Variants in DNMBP observed in about 807,000 individuals in gnomAD.
The protein encoded by DNMBP is dynamin binding protein.
A neutral mutation model predicts 150.0 loss-of-function variants in DNMBP; 87 were observed. That is an observed-to-expected ratio of 0.58 (90% confidence interval 0.49 to 0.69). DNMBP has a LOEUF of 0.69. Among genes scored for constraint, DNMBP ranks in the 30% least tolerant of loss-of-function variants. The pLI is 0.00. For missense variants in DNMBP, 1,774 were observed against 1,949.0 expected (o/e 0.91, Z 1.69); for synonymous variants, 711 against 750.4 (o/e 0.95, Z 0.86).
At position 99,885,898 on chromosome 10, in the gene DNMBP, A is replaced by C. The variant is rs201322179; in HGVS notation, c.3619-32T>G. The C allele has an allele frequency of 9.8e-4, 1,531 of 1,555,552 alleles. 4 individuals carry two copies. The African/African-American group carries it at 0.012, about 12-fold the overall frequency. On this transcript the variant is annotated intron_variant, in intron 13 of 16. Coordinates refer to ENST00000324109, the MANE Select transcript of DNMBP (RefSeq NM_015221.4). ...TCCATGGGAAGAGCAGAGATAGAGA[A>C]AAGAAGAAAACACGATAAAAGATCC...
At chr10:99,904,343 TCGG>T (rs2039791111) in intron 6 of DNMBP, among the ~76,000 whole-genome samples, 1 of 152,076 alleles carries the variant, frequency 6.6e-6, no homozygotes, top group Admixed American at 6.6e-5. Context: ...AACATAGCTC[TCGG>T]CGGGATGTGT....
In DNMBP at chr10:99,887,188, T is replaced by C. The variant is rs565287998; in HGVS notation, c.3286-556A>G. ...ACTGCAGCCTCAGCCTCCCAAGAAG[T>C]TGGGATTACAGGAGTCAGCCACCGC... is the stretch of plus-strand genomic sequence containing the variant. On this transcript the variant is annotated intron_variant, in intron 12 of 16. Transcript: ENST00000324109. 2.9e-4 allele frequency among the ~76,000 whole-genome samples: 44 copies of C among 151,428 alleles called. No individual in the cohort carries two copies. In the East Asian group the frequency reaches 8.1e-3, roughly 28 times the overall value.
At chr10:99,964,763 C>T (rs1164439363) in intron 3 of DNMBP, among the ~76,000 whole-genome samples, 1 of 151,290 alleles carries the variant, frequency 6.6e-6, no homozygotes, top group East Asian at 1.9e-4. Context: ...CCCAGCTATT[C>T]GGGAGGCTAA....
Position 99,986,738 on chromosome 10 carries a change from C to T in DNMBP, c.-10-14604G>A, listed in dbSNP as rs1661200500. Among the ~76,000 whole-genome samples, 9 of 151,888 alleles carry T rather than the reference C, an allele frequency of 5.9e-5. No individual in the cohort carries two copies. In the South Asian group the frequency reaches 1.9e-3, roughly 32 times the overall value. On this transcript the variant is annotated intron_variant, in intron 1 of 16. Coordinates refer to ENST00000324109, the MANE Select transcript of DNMBP (RefSeq NM_015221.4). ...GACATCCATACAGTATATCAAGGCC[C>T]AGAGTATGAGCAACAAAGTGAGGCT...
rs777875614 is a variant in DNMBP at position 99,957,123 on chromosome 10, T to C, written c.351A>G (p.Pro117=). ...RSCWGARGFF[P]SSCVRELCLS... ...GGCAGAGCTCGCGGACACATGAAGA[T>C]GGGAAGAAGCCCCGTGCGCCCCAGC... is the stretch of plus-strand genomic sequence containing the variant. Residue 117 remains proline, a synonymous_variant, in exon 4 of 17, where the codon CCA becomes CCG. Transcript: ENST00000324109. 3 of 1,613,504 alleles carry C rather than the reference T, an allele frequency of 1.9e-6. No individual in the cohort carries two copies. Among genetic ancestry groups the C allele is most frequent in the Admixed American group, 1.7e-5 (1 of 59,992 alleles).
intron 1 of DNMBP, among the ~76,000 whole-genome samples, chr10:99,996,918 T>G (rs2040957203): frequency 6.6e-6 from 1 of 152,210 alleles, no homozygotes; most frequent in African/African-American, 2.4e-5. Flanking sequence ...TTTCTTTGTG[T>G]CTACAGCAGT....
chr10:99,929,823 A>G, intron 4 of DNMBP: 2 of 702,998 alleles, frequency 2.8e-6, no homozygotes, highest in Non-Finnish European at 5.2e-6. Context: ...CAGACCATCC[A>G]GAAGGATCCT....
rs1437675475 is a variant in DNMBP at position 99,955,291 on chromosome 10, C to G, written c.2183G>C (p.Arg728Thr). 1 of 1,613,968 alleles carries G rather than the reference C, an allele frequency of 6.2e-7. No homozygotes were observed. The highest frequency in any genetic ancestry group is 8.5e-7 in the Non-Finnish European group (1 of 1,180,026). Residue 728 changes from arginine (R) to threonine (T), a missense_variant, in exon 4 of 17, where the codon AGA (arginine) becomes ACA (threonine). Coordinates refer to ENST00000324109, the MANE Select transcript of DNMBP (RefSeq NM_015221.4). Reference protein sequence around the residue: ...MLEEKQDESSRAETLEDLKFC... With the variant: ...MLEEKQDESSTAETLEDLKFC... ...CTTGAGATCCTCGAGGGTCTCTGCT[C>G]TTGATGATTCATCCTGCTTCTCCTC...
intron 1 of DNMBP, among the ~76,000 whole-genome samples, chr10:99,999,263 G>A (rs192647143): frequency 6.6e-6 from 1 of 152,324 alleles, no homozygotes; most frequent in Non-Finnish European, 1.5e-5. Context: ...GGGCTTTGGA[G>A]GTAAACAGAC....
intron 1 of DNMBP, among the ~76,000 whole-genome samples, chr10:99,998,604 A>ACAT (rs1457282432): frequency 6.6e-6 from 1 of 151,270 alleles, no homozygotes; most frequent in Non-Finnish European, 1.5e-5. Context: ...AAAAAGAAAC[A>ACAT]CATTAACTAA....
chr10:99,958,280 C>T (rs1299900210), intron 3 of DNMBP: 1 of 152,182 alleles, frequency 6.6e-6, no homozygotes, highest in African/African-American at 2.4e-5. Flanking sequence ...AGAAGCAATA[C>T]AAATTATGCA....
chr10:99,983,494 G>A (rs1421558117), intron 1 of DNMBP, among the ~76,000 whole-genome samples: 1 of 152,224 alleles, frequency 6.6e-6, no homozygotes, highest in African/African-American at 2.4e-5. Flanking sequence ...CAGAAGGTCA[G>A]CAGTCACAGC....
chr10:99,966,842 G>A (rs11818179), intron 3 of DNMBP, among the ~76,000 whole-genome samples: 3 of 151,872 alleles, frequency 2.0e-5, no homozygotes, highest in South Asian at 2.1e-4. Context: ...GTGTAGTGGC[G>A]TAAACACAGC....
chr10:99,888,214 G>GTTTGTTTTTGTTTTTGTT (rs71009783), intron 12 of DNMBP, among the ~76,000 whole-genome samples: 9 of 149,636 alleles, frequency 6.0e-5, no homozygotes, highest in South Asian at 2.1e-4. Context: ...TTGTTTGTTT[G>GTTTGTTTTTGTTTTTGTT]TTTGTTTTTG....
chr10:99,982,868 C>T (rs1272639104), intron 1 of DNMBP, among the ~76,000 whole-genome samples: 1 of 151,906 alleles, frequency 6.6e-6, no homozygotes, highest in Non-Finnish European at 1.5e-5. Context: ...GGGGGAGCAG[C>T]TCTGAGGTGG....
chr10:99,965,143 C>T (rs972783762), intron 3 of DNMBP, among the ~76,000 whole-genome samples: 1 of 152,140 alleles, frequency 6.6e-6, no homozygotes, highest in Admixed American at 6.5e-5. Flanking sequence ...TGAGCGCTTA[C>T]CTACTACCAC....
At chr10:100,005,919 G>A (rs1462059735) in intron 1 of DNMBP, among the ~76,000 whole-genome samples, 3 of 152,188 alleles carry the variant, frequency 2.0e-5, no homozygotes, top group African/African-American at 4.8e-5. Context: ...GAACACCTGT[G>A]AGACATGAGA....
At chr10:99,908,266 C>T (rs530016110) in intron 5 of DNMBP, among the ~76,000 whole-genome samples, 172 bp from the exon 6 acceptor site, 1 of 152,306 alleles carries the variant, frequency 6.6e-6, no homozygotes, top group African/African-American at 2.4e-5. Flanking sequence ...TTAGTGTCAT[C>T]CTTTGTCCTT....
chr10:99,930,407 T>G, intron 4 of DNMBP: 1 of 703,014 alleles, frequency 1.4e-6, no homozygotes, highest in Non-Finnish European at 2.6e-6. Flanking sequence ...TTCTCGTAGG[T>G]GAATTATCCT....
Sources: gnomAD v4.1 joint callset for allele counts (sites outside exome capture counted in the v4.1 genomes callset) on GRCh38, gnomAD v4.1.1 for gene constraint, MANE v1.5 for transcripts, NCBI Gene and HGNC (gene_info 2026-07-23, HGNC 2026-07-21) for gene names.